OR14A16: variants seen among roughly 807,000 people sequenced by gnomAD.
OR14A16 encodes the protein olfactory receptor 14A16.
For synonymous variants in OR14A16, 135 were observed against 137.6 expected (o/e 0.98, Z 0.13); for missense variants, 341 against 366.5 (o/e 0.93, Z 0.57).
At position 247,824,063 on chromosome 1, in the gene OR14A16, T is replaced by G. The variant is rs1662795501; in HGVS notation, c.-241A>C. On this transcript the variant is annotated 5_prime_UTR_variant, in exon 1 of 3. Coordinates refer to ENST00000641093, the MANE Select transcript of OR14A16 (RefSeq NM_001001966.2). ...CACCAGGAGTTCAGGAGCAGAGGTT[T>G]AATAGGCAAAGGAAAGAGAAAAGAA... 1 of 152,068 alleles carries G rather than the reference T, an allele frequency of 6.6e-6. No homozygotes were observed. Among genetic ancestry groups the G allele is most frequent in the African/African-American group, 2.4e-5 (1 of 41,386 alleles). 9.4% of individuals were successfully genotyped at this position (152,068 alleles called of 1,614,324 possible). A position where few individuals can be genotyped will look rare whatever the true frequency, so the allele number is the denominator to read the frequency against.
intron 1 of OR14A16, among the ~76,000 whole-genome samples, chr1:247,823,752 T>G (rs1022045805): frequency 1.3e-5 from 2 of 152,196 alleles, no homozygotes. Context: ...ATTTCCTATT[T>G]GGAAGCATCC....
chr1:247,814,752 G>T lies in OR14A16; in HGVS notation c.*48C>A. Reference sequence around the variant, plus strand: ...AGATAAAAATGAAGAATTAATGTGTGTACATTATAAATGGTATCTATTATT... The same window carrying T: ...AGATAAAAATGAAGAATTAATGTGTTTACATTATAAATGGTATCTATTATT... On this transcript the variant is annotated 3_prime_UTR_variant, in exon 3 of 3. Transcript: ENST00000641093. The T allele has an allele frequency of 1.0e-6, 1 of 985,214 alleles. No homozygotes were observed. The highest frequency in any genetic ancestry group is 1.5e-6 in the Non-Finnish European group (1 of 682,262). 61.0% of individuals were successfully genotyped at this position (985,214 alleles called of 1,614,324 possible). A position where few individuals can be genotyped will look rare whatever the true frequency, so the allele number is the denominator to read the frequency against.
chr1:247,820,556 C>A lies in OR14A16; in HGVS notation c.-130-1379G>T, dbSNP rs1187407839. On this transcript the variant is annotated intron_variant, in intron 1 of 2. Coordinates refer to ENST00000641093, the MANE Select transcript of OR14A16 (RefSeq NM_001001966.2). Reference sequence around the variant, plus strand: ...GCATAATGTTAGGTTTTATTAAGATCTTTCTTGGGCCCGGCACGGTCGTGC... The same window carrying A: ...GCATAATGTTAGGTTTTATTAAGATATTTCTTGGGCCCGGCACGGTCGTGC... Among the ~76,000 whole-genome samples the A allele has an allele frequency of 2.0e-5, 3 of 151,634 alleles. No individual in the cohort carries two copies. The East Asian group carries it at 5.8e-4, about 29-fold the overall frequency.
chr1:247,817,834 A>G (rs958967247), intron 2 of OR14A16, among the ~76,000 whole-genome samples: 1 of 152,214 alleles, frequency 6.6e-6, no homozygotes, highest in Non-Finnish European at 1.5e-5. Flanking sequence ...TATATCACTA[A>G]GAGTTACAAC....
chr1:247,816,677 C>T lies in OR14A16; in HGVS notation c.-15-933G>A, dbSNP rs181365149. Among the ~76,000 whole-genome samples, 313 of 151,620 alleles carry T rather than the reference C, an allele frequency of 2.1e-3. 1 individual carries two copies. The highest frequency in any genetic ancestry group is 7.3e-3 in the African/African-American group (302 of 41,296). ...CTGGGAGGCGGAGGCTGCAGTGAGC[C>T]GAGATCACACTATTGAACTCCTGCC... On this transcript the variant is annotated intron_variant, in intron 2 of 2. Coordinates refer to ENST00000641093, the MANE Select transcript of OR14A16 (RefSeq NM_001001966.2).
At chr1:247,822,323 AGG>A (rs1662755559) in intron 1 of OR14A16, among the ~76,000 whole-genome samples, 2 of 7,660 alleles carry the variant, frequency 2.6e-4, no homozygotes, top group Non-Finnish European at 7.3e-4. Flanking sequence ...GCGGGGGGGG[AGG>A]GTGGGGATGC....
chr1:247,818,804 G>A (rs1662674770), intron 2 of OR14A16, among the ~76,000 whole-genome samples: 2 of 151,970 alleles, frequency 1.3e-5, no homozygotes, highest in African/African-American at 4.8e-5. Flanking sequence ...TACACAACGA[G>A]GTGACTACAA....
In OR14A16 at chr1:247,815,749, A is replaced by G; in HGVS notation, c.-15-5T>C. 7.7e-7 allele frequency: 1 copy of G among 1,292,188 alleles called. No homozygotes were observed. Among genetic ancestry groups the G allele is most frequent in the Non-Finnish European group, 1.1e-6 (1 of 915,998 alleles). 80.0% of individuals were successfully genotyped at this position (1,292,188 alleles called of 1,614,324 possible). A position where few individuals can be genotyped will look rare whatever the true frequency, so the allele number is the denominator to read the frequency against. ...TGCCATTATTGCAGGAGTAATCTGC[A>G]GGAAAAGGAGAAGACTGAAGTAAAA... On this transcript the variant is annotated splice_region_variant and splice_polypyrimidine_tract_variant and intron_variant, in intron 2 of 2. Coordinates refer to ENST00000641093, the MANE Select transcript of OR14A16 (RefSeq NM_001001966.2).
At chr1:247,823,599 A>T (rs976798385) in intron 1 of OR14A16, among the ~76,000 whole-genome samples, 18 of 152,240 alleles carry the variant, frequency 1.2e-4, no homozygotes, top group Non-Finnish European at 1.5e-5. Flanking sequence ...GTCTTCAAGC[A>T]TGCATACAGA....
At chr1:247,815,782 G>T (rs191948291) in intron 2 of OR14A16, 38 bp from the exon 3 acceptor site, 3 of 832,206 alleles carry the variant, frequency 3.6e-6, no homozygotes, top group East Asian at 5.0e-5. Flanking sequence ...AAATATCAAT[G>T]TCCACTCTTT....
In OR14A16 at chr1:247,815,508, G is replaced by A. The variant is rs758768765; in HGVS notation, c.222C>T (p.Val74=). 7 of 1,613,702 alleles carry A rather than the reference G, an allele frequency of 4.3e-6. No homozygotes were observed. The highest frequency in any genetic ancestry group is 5.9e-6 in the Non-Finnish European group (7 of 1,179,784). Residue 74 remains valine (V), a synonymous_variant, in exon 3 of 3, where the codon GTC becomes GTT. Transcript: ENST00000641093. ...LSFLDLCLIS[V]TAPKSIANSL... ...AATTGGCGATAGATTTGGGAGCCGTGACTGAAATAAGGCAGAGATCCAAGA... is the reference window on the plus strand; with the variant it reads ...AATTGGCGATAGATTTGGGAGCCGTAACTGAAATAAGGCAGAGATCCAAGA...
In OR14A16 at chr1:247,814,918, A is replaced by C. The variant is rs761084705; in HGVS notation, c.812T>G (p.Ile271Ser). 1 of 1,613,850 alleles carries C rather than the reference A, an allele frequency of 6.2e-7. No homozygotes were observed. The highest frequency in any genetic ancestry group is 8.5e-7 in the Non-Finnish European group (1 of 1,179,954). ...GGGCAGCATAGTGTAGAACACAGAA[A>C]TTACAGCATCCAAAATAGAAGGAGA... ...SESPSILDAV[I>S]SVFYTMLPPT... Residue 271 changes from isoleucine to serine, a missense_variant, in exon 3 of 3, where the codon ATT (isoleucine) becomes AGT (serine). Transcript: ENST00000641093.
chr1:247,815,656 T>G lies in OR14A16; in HGVS notation c.74A>C (p.His25Pro). ...FSTNKNMCILHSILFLLIYLC... is the reference protein window; with the variant it reads ...FSTNKNMCILPSILFLLIYLC... ...ATAAATCAACAAGAAGAGAATCGAA[T>G]GCAAAATGCACATATTTTTATTGGT... Residue 25 changes from histidine (H) to proline (P), a missense_variant, in exon 3 of 3, where the codon CAT (histidine) becomes CCT (proline). Coordinates refer to ENST00000641093, the MANE Select transcript of OR14A16 (RefSeq NM_001001966.2). The G allele has an allele frequency of 6.2e-7, 1 of 1,611,286 alleles. No individual in the cohort carries two copies. Among genetic ancestry groups the G allele is most frequent in the Admixed American group, 1.7e-5 (1 of 59,988 alleles).
chr1:247,814,807 T>C lies in OR14A16; in HGVS notation c.923A>G (p.Lys308Arg). Reference protein sequence around the residue: ...LGMLIKGKLTKK With the variant: ...LGMLIKGKLTRK ...GAAGAAAAGCAACAGCTTTTACTTT[T>C]TGGTGAGCTTTCCCTTTATCAACAT... Residue 308 changes from lysine (K) to arginine (R), a missense_variant, in exon 3 of 3, where the codon AAA becomes AGA. Lys to Arg is a conservative substitution (Grantham distance 26). Coordinates refer to ENST00000641093, the MANE Select transcript of OR14A16 (RefSeq NM_001001966.2). 1 of 1,543,308 alleles carries C rather than the reference T, an allele frequency of 6.5e-7. No homozygotes were observed. The highest frequency in any genetic ancestry group is 8.7e-7 in the Non-Finnish European group (1 of 1,149,774).
At chr1:247,819,487 T>C (rs1052987451) in intron 1 of OR14A16, among the ~76,000 whole-genome samples, 2 of 152,204 alleles carry the variant, frequency 1.3e-5, no homozygotes, top group East Asian at 3.8e-4. Flanking sequence ...GTTTGTTTAC[T>C]GTGAGTGAGA....
At chr1:247,821,278 C>G (rs1332250014) in intron 1 of OR14A16, among the ~76,000 whole-genome samples, 1 of 152,202 alleles carries the variant, frequency 6.6e-6, no homozygotes, top group Non-Finnish European at 1.5e-5. Context: ...TTAGGTCCAT[C>G]TGGTCTAAAG....
In OR14A16 at chr1:247,818,298, T is replaced by G. The variant is rs1662664744; in HGVS notation, c.-16+765A>C. 3.3e-5 allele frequency among the ~76,000 whole-genome samples: 5 copies of G among 152,194 alleles called. No homozygotes were observed. The South Asian group carries it at 1.0e-3, about 32-fold the overall frequency. ...TGTACACTGTTGGAGGGAATGTAAATTAGAACAGCCACTATGGACAACAGT... is the reference window on the plus strand; with the variant it reads ...TGTACACTGTTGGAGGGAATGTAAAGTAGAACAGCCACTATGGACAACAGT... On this transcript the variant is annotated intron_variant, in intron 2 of 2. Transcript: ENST00000641093.
intron 1 of OR14A16, among the ~76,000 whole-genome samples, chr1:247,822,303 T>G: frequency 3.5e-5 from 1 of 28,778 alleles, no homozygotes; most frequent in Non-Finnish European, 6.5e-5. Context: ...GGCTGGGGTG[T>G]GTGTGTGTGG....
At chr1:247,822,322 G>T (rs1330768219) in intron 1 of OR14A16, among the ~76,000 whole-genome samples, 2 of 25,846 alleles carry the variant, frequency 7.7e-5, no homozygotes, top group Non-Finnish European at 2.9e-4. Context: ...GGCGGGGGGG[G>T]AGGGTGGGGA....
Sources: allele counts gnomAD v4.1 joint callset (sites outside exome capture counted in the v4.1 genomes callset), GRCh38; gene constraint gnomAD v4.1.1; transcripts MANE v1.5; gene names NCBI Gene and HGNC (gene_info 2026-07-23, HGNC 2026-07-21).